The following HEMK2 variants were observed in gnomAD, a reference collection of about 807,000 sequenced individuals.
The protein encoded by HEMK2 is methyltransferase HEMK2.
chr21:28,766,695 C>A, the HEMK2 span, among the ~76,000 whole-genome samples: 1 of 152,062 alleles, frequency 6.6e-6, no homozygotes, highest in Non-Finnish European at 1.5e-5. Flanking sequence ...GAAATAATGT[C>A]TTTTGCAACA....
the HEMK2 span, chr21:28,873,869 A>T: frequency 6.6e-6 from 1 of 151,968 alleles, no homozygotes; most frequent in Admixed American, 6.6e-5. Flanking sequence ...CCTCTAGGCC[A>T]GCAGTGCATA....
chr21:28,742,528 A>G, the HEMK2 span, among the ~76,000 whole-genome samples: 3 of 152,228 alleles, frequency 2.0e-5, no homozygotes, highest in African/African-American at 7.2e-5. Flanking sequence ...GCACTTATCC[A>G]AAGACTTTTC....
At chr21:28,788,866 G>T in the HEMK2 span, among the ~76,000 whole-genome samples, 1 of 152,082 alleles carries the variant, frequency 6.6e-6, no homozygotes, top group Non-Finnish European at 1.5e-5. Context: ...TATAATGAGT[G>T]ATGTCCTTAG....
chr21:28,860,671 G>A, the HEMK2 span, among the ~76,000 whole-genome samples: 169 of 147,982 alleles, frequency 1.1e-3, no homozygotes, highest in Non-Finnish European at 2.0e-3. Flanking sequence ...AGAAAGAGCT[G>A]AAACTGAAAA....
the HEMK2 span, among the ~76,000 whole-genome samples, chr21:28,790,172 AC>A: frequency 1.3e-5 from 2 of 152,208 alleles, no homozygotes; most frequent in African/African-American, 4.8e-5. Flanking sequence ...ACATCATAAA[AC>A]ATCTCTGAAA....
chr21:28,631,841 T>A, the HEMK2 span, among the ~76,000 whole-genome samples: 2,379 of 151,852 alleles, frequency 0.016, 47 homozygotes, highest in African/African-American at 0.049. Flanking sequence ...TTTAAAAAAA[T>A]TTTTTTTATC....
chr21:28,744,343 C>A, the HEMK2 span, among the ~76,000 whole-genome samples: 2 of 152,034 alleles, frequency 1.3e-5, no homozygotes, highest in African/African-American at 4.8e-5. Flanking sequence ...CAGAAGTGTT[C>A]TTTTAAATTT....
At chr21:28,677,283 C>T in the HEMK2 span, among the ~76,000 whole-genome samples, 1 of 152,038 alleles carries the variant, frequency 6.6e-6, no homozygotes, top group East Asian at 1.9e-4. Context: ...CCTACACCCA[C>T]GGAGCCTTGC....
chr21:28,831,857 TTC>T, the HEMK2 span, among the ~76,000 whole-genome samples: 3 of 152,302 alleles, frequency 2.0e-5, no homozygotes, highest in South Asian at 6.2e-4. Context: ...GCTGTTTGTA[TTC>T]TGTGTCATTT....
the HEMK2 span, among the ~76,000 whole-genome samples, chr21:28,642,344 T>C: frequency 6.6e-6 from 1 of 152,198 alleles, no homozygotes; most frequent in South Asian, 2.1e-4. Context: ...AGCCTGCCAC[T>C]GGCCACTCCT....
the HEMK2 span, among the ~76,000 whole-genome samples, chr21:28,749,455 A>C: frequency 5.8e-3 from 885 of 152,362 alleles, 8 homozygotes; most frequent in African/African-American, 0.02. Flanking sequence ...CAGAGGATCC[A>C]AAGTACCTGC....
the HEMK2 span, among the ~76,000 whole-genome samples, chr21:28,587,861 AT>A: frequency 5.3e-5 from 8 of 152,354 alleles, no homozygotes; most frequent in South Asian, 1.7e-3. Flanking sequence ...GAGGTGACTC[AT>A]TTGTTTGCAG....
At chr21:28,799,450 G>C in the HEMK2 span, among the ~76,000 whole-genome samples, 1 of 152,128 alleles carries the variant, frequency 6.6e-6, no homozygotes, top group Admixed American at 6.5e-5. Context: ...TTCAAGATGA[G>C]ATTTGGGTGG....
chr21:28,750,993 G>T, the HEMK2 span, among the ~76,000 whole-genome samples: 2 of 152,126 alleles, frequency 1.3e-5, no homozygotes, highest in Non-Finnish European at 2.9e-5. Flanking sequence ...CACTTTGGGA[G>T]GCCGAGGCGG....
chr21:28,793,209 A>C, the HEMK2 span, among the ~76,000 whole-genome samples: 3 of 152,218 alleles, frequency 2.0e-5, no homozygotes, highest in African/African-American at 7.2e-5. Flanking sequence ...ACTAGTCAAG[A>C]GATTGGGGCT....
chr21:28,766,510 C>T, the HEMK2 span, among the ~76,000 whole-genome samples: 1 of 152,036 alleles, frequency 6.6e-6, no homozygotes, highest in African/African-American at 2.4e-5. Flanking sequence ...TGGCTATCTA[C>T]CCAAAGGAAA....
At chr21:28,796,891 A>G in the HEMK2 span, among the ~76,000 whole-genome samples, 7 of 152,322 alleles carry the variant, frequency 4.6e-5, 1 homozygote, top group South Asian at 1.2e-3. Context: ...CCTTTAGGAT[A>G]TAACAATTAA....
At chr21:28,757,739 C>CAG in the HEMK2 span, among the ~76,000 whole-genome samples, 1 of 152,146 alleles carries the variant, frequency 6.6e-6, no homozygotes, top group Non-Finnish European at 1.5e-5. Context: ...GAGTGGATAA[C>CAG]AGTACTGACT....
At chr21:28,738,837 C>G in the HEMK2 span, among the ~76,000 whole-genome samples, 1 of 152,242 alleles carries the variant, frequency 6.6e-6, no homozygotes, top group Non-Finnish European at 1.5e-5. Context: ...AACTTCAGCA[C>G]ATGCACTTCT....
Sources: allele counts gnomAD v4.1 joint callset (sites outside exome capture counted in the v4.1 genomes callset), GRCh38; gene constraint gnomAD v4.1.1; transcripts MANE v1.5; gene names NCBI Gene and HGNC (gene_info 2026-07-23, HGNC 2026-07-21).